Variants in BCO1 observed in about 807,000 individuals in gnomAD.
The protein encoded by BCO1 is beta,beta-carotene 15,15'-dioxygenase.
BCO1 carries 54 observed loss-of-function variants against 56.3 expected under a neutral mutation model. The ratio of observed to expected loss-of-function variants is 0.96; its 90% CI spans 0.77 to 1.20. BCO1 has a LOEUF of 1.20. Ranked by LOEUF, BCO1 falls within the 50% of genes most tolerant of loss-of-function variation. BCO1 has a pLI of 0.00. For synonymous variants in BCO1, 318 were observed against 266.1 expected, an observed-to-expected ratio of 1.20 and a Z score of -1.90; for missense variants, 801 against 690.9, an observed-to-expected ratio of 1.16 and a Z score of -1.79.
At chr16:81,243,307 CT>C (rs1180807738) in intron 1 of BCO1, among the ~76,000 whole-genome samples, 6 of 152,292 alleles carry the variant, frequency 3.9e-5, no homozygotes, top group African/African-American at 1.4e-4. Flanking sequence ...CCCCATTCTT[CT>C]GAGGATTAGA....
intron 6 of BCO1, among the ~76,000 whole-genome samples, chr16:81,268,341 G>C (rs1214616166): frequency 6.6e-6 from 1 of 152,144 alleles, no homozygotes. Context: ...ATGAGTTATT[G>C]GATGAGGCTG....
chr16:81,249,271 T>A (rs1167328856), intron 2 of BCO1, among the ~76,000 whole-genome samples: 1 of 151,922 alleles, frequency 6.6e-6, no homozygotes. Context: ...TTTTTTCTTT[T>A]TTTGAGACAG....
chr16:81,251,189 T>C (rs1367937105), intron 2 of BCO1, among the ~76,000 whole-genome samples: 1 of 152,100 alleles, frequency 6.6e-6, no homozygotes, highest in Non-Finnish European at 1.5e-5. Context: ...GAAAAGACTT[T>C]GGAGCAAGAA....
chr16:81,278,676 C>T (rs1907695489), intron 7 of BCO1, among the ~76,000 whole-genome samples: 1 of 152,164 alleles, frequency 6.6e-6, no homozygotes, highest in East Asian at 1.9e-4. Context: ...GGTGTTTCTT[C>T]TGAGACCTCA....
intron 1 of BCO1, among the ~76,000 whole-genome samples, chr16:81,239,741 A>C (rs953614168): frequency 5.9e-5 from 9 of 152,168 alleles, no homozygotes; most frequent in Non-Finnish European, 8.8e-5. Flanking sequence ...GCTCCTGCAG[A>C]GCCTATAGGA....
chr16:81,256,546 A>G (rs532482027), intron 2 of BCO1, among the ~76,000 whole-genome samples: 2 of 152,290 alleles, frequency 1.3e-5, no homozygotes, highest in African/African-American at 4.8e-5. Flanking sequence ...ATAAAATAAA[A>G]CACTGCCTCT....
chr16:81,275,327 G>C (rs985686458), intron 7 of BCO1, among the ~76,000 whole-genome samples: 2 of 152,198 alleles, frequency 1.3e-5, no homozygotes, highest in Non-Finnish European at 2.9e-5. Flanking sequence ...CCCCATGTCC[G>C]GGCCTTGGCT....
intron 7 of BCO1, among the ~76,000 whole-genome samples, chr16:81,270,685 T>A (rs1428450498): frequency 2.3e-5 from 2 of 86,416 alleles, no homozygotes; most frequent in African/African-American, 1.1e-4. Context: ...AGTCTCTCTC[T>A]CTGTGTCTGT....
intron 1 of BCO1, among the ~76,000 whole-genome samples, chr16:81,241,285 C>G (rs569466814): frequency 6.6e-6 from 1 of 152,058 alleles, no homozygotes; most frequent in Non-Finnish European, 1.5e-5. Flanking sequence ...TGTACTCCAG[C>G]CTGGGCAACA....
At chr16:81,244,527 A>G (rs1405876110) in intron 1 of BCO1, among the ~76,000 whole-genome samples, 2 of 151,982 alleles carry the variant, frequency 1.3e-5, no homozygotes, top group Admixed American at 1.3e-4. Context: ...GCTGATAGCT[A>G]CCATATTGGA....
chr16:81,271,287 G>T (rs1179553267), intron 7 of BCO1, among the ~76,000 whole-genome samples: 1 of 151,438 alleles, frequency 6.6e-6, no homozygotes, highest in Non-Finnish European at 1.5e-5. Context: ...GCTAATTTTT[G>T]TATTTTTAGA....
chr16:81,277,363 G>T (rs1367926097), intron 7 of BCO1, among the ~76,000 whole-genome samples: 2 of 152,114 alleles, frequency 1.3e-5, no homozygotes. Flanking sequence ...AGATGAGAAA[G>T]TAACTTGCCC....
At chr16:81,268,288 TG>T (rs1243721874) in intron 6 of BCO1, among the ~76,000 whole-genome samples, 157 bp downstream of exon 6, 2 of 152,180 alleles carry the variant, frequency 1.3e-5, no homozygotes, top group Non-Finnish European at 1.5e-5. Context: ...TGAAGCTGGA[TG>T]GTCCTTCAGA....
At chr16:81,257,759 A>G (rs1906234541) in intron 2 of BCO1, among the ~76,000 whole-genome samples, 2 of 151,782 alleles carry the variant, frequency 1.3e-5, no homozygotes, top group African/African-American at 2.4e-5. Flanking sequence ...CATGCCTGTA[A>G]TACCAGCTAC....
chr16:81,254,274 G>A lies in BCO1; in HGVS notation c.194-5402G>A, dbSNP rs893640361. On this transcript the variant is annotated intron_variant, in intron 2 of 10. Coordinates refer to ENST00000258168, the MANE Select transcript of BCO1 (RefSeq NM_017429.3). ...CTCCTGAGTAGCTGGGACTATGGGT[G>A]CGTGCCACCACGCCCGGCTAATTTT... Among the ~76,000 whole-genome samples the A allele has an allele frequency of 3.3e-5, 5 of 149,408 alleles. No individual in the cohort carries two copies. In the South Asian group the frequency reaches 8.6e-4, roughly 26 times the overall value.
rs10607036 is a variant in BCO1 at position 81,280,324 on chromosome 16, G to GACACACAC, written c.1102-513_1102-506dup. ...AAAAAAAAAATTACACACACACACA[G>GACACACAC]ACACACACACACACACACACACACA... On this transcript the variant is annotated intron_variant, in intron 7 of 10. Coordinates refer to ENST00000258168, the MANE Select transcript of BCO1 (RefSeq NM_017429.3). Among the ~76,000 whole-genome samples, 280 of 113,426 alleles carry GACACACAC rather than the reference G, an allele frequency of 2.5e-3. 2 individuals are homozygous for GACACACAC. The highest frequency in any genetic ancestry group is 7.4e-3 in the African/African-American group (249 of 33,434). The allele number at this position is 113,426 out of a possible 152,430, so 74.4% of individuals were successfully genotyped here. A position where few individuals can be genotyped will look rare whatever the true frequency, so the allele number is the denominator to read the frequency against.
intron 7 of BCO1, among the ~76,000 whole-genome samples, chr16:81,280,087 A>AC (rs1907778686): frequency 6.6e-6 from 1 of 151,812 alleles, no homozygotes; most frequent in Non-Finnish European, 1.5e-5. Flanking sequence ...ACATGATGAA[A>AC]CCCCATCTCC....
chr16:81,240,678 C>G (rs1278790650), intron 1 of BCO1, among the ~76,000 whole-genome samples: 1 of 151,808 alleles, frequency 6.6e-6, no homozygotes, highest in East Asian at 1.9e-4. Flanking sequence ...GCACTCTGGC[C>G]TTGGCAAGAG....
intron 1 of BCO1, among the ~76,000 whole-genome samples, chr16:81,241,820 G>A (rs1438981084): frequency 6.6e-6 from 1 of 152,214 alleles, no homozygotes; most frequent in African/African-American, 2.4e-5. Flanking sequence ...AACTGTGCCT[G>A]GGTTGACACG....
Sources: allele counts gnomAD v4.1 joint callset (sites outside exome capture counted in the v4.1 genomes callset), GRCh38; gene constraint gnomAD v4.1.1; transcripts MANE v1.5; gene names NCBI Gene and HGNC (gene_info 2026-07-23, HGNC 2026-07-21).